The following FAM135A variants were observed in gnomAD, a reference collection of about 807,000 sequenced individuals.
FAM135A encodes protein FAM135A.
In FAM135A, 79 loss-of-function variants were observed where a neutral mutation model predicts 146.8. The observed-to-expected ratio is 0.54, with a 90% confidence interval of 0.45 to 0.65. FAM135A has a LOEUF of 0.65. Ranked by LOEUF, FAM135A falls within the 30% of genes least tolerant of loss-of-function variation. FAM135A has a pLI of 0.00. For synonymous variants in FAM135A, 562 were observed against 603.6 expected, an observed-to-expected ratio of 0.93 and a Z score of 1.01; for missense variants, 1,623 against 1,758.2, an observed-to-expected ratio of 0.92 and a Z score of 1.38.
chr6:70,547,483 G>T (rs540999574), intron 20 of FAM135A, among the ~76,000 whole-genome samples: 1 of 152,290 alleles, frequency 6.6e-6, no homozygotes, highest in Admixed American at 6.5e-5. Context: ...ATTGTAGCAT[G>T]TTTAGCAGTA....
At chr6:70,426,377 C>A (rs1366003017) in intron 2 of FAM135A, 62 bp from the exon 3 acceptor site, 1 of 152,022 alleles carries the variant, frequency 6.6e-6, no homozygotes. Flanking sequence ...ACATAGGTTT[C>A]CTTAAGACAG....
intron 12 of FAM135A, among the ~76,000 whole-genome samples, chr6:70,513,685 A>ATT (rs1791570400): frequency 6.6e-6 from 1 of 151,994 alleles, no homozygotes; most frequent in Non-Finnish European, 1.5e-5. Context: ...AGTATAATTG[A>ATT]TTTTTGCATA....
rs760098586 is a variant in FAM135A at position 70,502,705 on chromosome 6, A to T, written c.943A>T (p.Met315Leu). Residue 315 changes from methionine to leucine, a missense_variant, in exon 12 of 22, where the codon ATG becomes TTG. Transcript: ENST00000418814. ...MNLAQLCSLLMALWGQFLEVI... is the reference protein window; with the variant it reads ...MNLAQLCSLLLALWGQFLEVI... Reference sequence around the variant, plus strand: ...TCTTGCGCAACTTTGCTCACTTTTGATGGCTTTATGGGGACAGTTTCTGGA... The same window carrying T: ...TCTTGCGCAACTTTGCTCACTTTTGTTGGCTTTATGGGGACAGTTTCTGGA... 1.8e-5 allele frequency: 29 copies of T among 1,613,460 alleles called. No individual in the cohort carries two copies. The East Asian group carries it at 3.1e-4, about 17-fold the overall frequency.
intron 4 of FAM135A, among the ~76,000 whole-genome samples, chr6:70,429,344 C>T (rs754596962): frequency 6.8e-4 from 103 of 151,998 alleles, no homozygotes; most frequent in Non-Finnish European, 1.0e-3. Flanking sequence ...GAAACCCTAC[C>T]TCTACTAAAA....
At chr6:70,469,025 CTA>C (rs1781048372) in intron 5 of FAM135A, among the ~76,000 whole-genome samples, 1 of 152,204 alleles carries the variant, frequency 6.6e-6, no homozygotes, top group Admixed American at 6.5e-5. Flanking sequence ...TTTAAAATTA[CTA>C]TCTTTCTTAT....
In FAM135A at chr6:70,551,518, G is replaced by C. The variant is rs148872568; in HGVS notation, c.4229-5232G>C. 9.3e-4 allele frequency among the ~76,000 whole-genome samples: 141 copies of C among 152,280 alleles called. 1 individual carries two copies. The highest frequency in any genetic ancestry group is 3.3e-3 in the African/African-American group (136 of 41,568). ...TTCAGCTACTTGGGAGGTTGAAGTGGGAGGATCCCTTGAGCCCAGGAGGTA... is the reference window on the plus strand; with the variant it reads ...TTCAGCTACTTGGGAGGTTGAAGTGCGAGGATCCCTTGAGCCCAGGAGGTA... On this transcript the variant is annotated intron_variant, in intron 20 of 21. Coordinates refer to ENST00000418814, the MANE Select transcript of FAM135A (RefSeq NM_001162529.3).
At chr6:70,475,010 G>C (rs745790274) in intron 5 of FAM135A, among the ~76,000 whole-genome samples, 4 of 152,098 alleles carry the variant, frequency 2.6e-5, no homozygotes, top group Non-Finnish European at 5.9e-5. Context: ...GGAGACAAAG[G>C]CCAGCCAAAT....
chr6:70,444,682 A>C (rs2127980629), intron 4 of FAM135A, among the ~76,000 whole-genome samples: 1 of 152,334 alleles, frequency 6.6e-6, no homozygotes, highest in East Asian at 1.9e-4. Flanking sequence ...CATAAATATC[A>C]GATGAACTTT....
chr6:70,546,916 G>A (rs1161352091), intron 20 of FAM135A, among the ~76,000 whole-genome samples: 1 of 152,088 alleles, frequency 6.6e-6, no homozygotes, highest in African/African-American at 2.4e-5. Flanking sequence ...TAAAATAAAT[G>A]TATAATATAT....
chr6:70,493,170 CTCT>C (rs762212095), intron 11 of FAM135A, among the ~76,000 whole-genome samples: 6 of 151,640 alleles, frequency 4.0e-5, no homozygotes, highest in Non-Finnish European at 7.4e-5. Context: ...GTGCTGAAAA[CTCT>C]TCAAGATATA....
At chr6:70,547,706 C>A (rs992757070) in intron 20 of FAM135A, among the ~76,000 whole-genome samples, 5 of 152,014 alleles carry the variant, frequency 3.3e-5, no homozygotes, top group African/African-American at 1.2e-4. Flanking sequence ...AAATGAGTAG[C>A]CAGAAGAATT....
intron 4 of FAM135A, among the ~76,000 whole-genome samples, chr6:70,428,731 A>G (rs796802419): frequency 4.6e-5 from 7 of 152,226 alleles, no homozygotes; most frequent in African/African-American, 1.7e-4. Flanking sequence ...AAAATAAGAC[A>G]TGCATACAAA....
chr6:70,413,969 G>A, intron 1 of FAM135A: 3 of 985,680 alleles, frequency 3.0e-6, no homozygotes, highest in Non-Finnish European at 3.6e-6. Flanking sequence ...CCCTGCCCCT[G>A]CGCGCGTCCC....
intron 4 of FAM135A, among the ~76,000 whole-genome samples, chr6:70,430,879 C>G (rs1454449354): frequency 6.6e-6 from 1 of 152,174 alleles, no homozygotes; most frequent in African/African-American, 2.4e-5. Context: ...TTTAGTTCAT[C>G]TCTATCTTGC....
At chr6:70,534,431 C>G (rs1019916474) in intron 18 of FAM135A, among the ~76,000 whole-genome samples, 2 of 149,720 alleles carry the variant, frequency 1.3e-5, no homozygotes, top group Non-Finnish European at 3.0e-5. Context: ...GCGATCCTCC[C>G]ACCTCAGCCC....
chr6:70,550,314 G>A (rs1199457292), intron 20 of FAM135A, among the ~76,000 whole-genome samples: 2 of 152,154 alleles, frequency 1.3e-5, no homozygotes, highest in East Asian at 3.9e-4. Flanking sequence ...ATCCATCAAA[G>A]GAATCACTAC....
chr6:70,414,916 T>A (rs1173387382), intron 1 of FAM135A, among the ~76,000 whole-genome samples: 3 of 152,248 alleles, frequency 2.0e-5, no homozygotes, highest in African/African-American at 7.2e-5. Context: ...CCATTAGGTG[T>A]AGCTGTCCAA....
chr6:70,433,930 A>G (rs775650634), intron 4 of FAM135A, among the ~76,000 whole-genome samples: 3 of 152,160 alleles, frequency 2.0e-5, no homozygotes, highest in Non-Finnish European at 4.4e-5. Flanking sequence ...CTAACAATCT[A>G]AAGAAAAACT....
At chr6:70,557,129 A>G in intron 21 of FAM135A, 1 of 535,480 alleles carries the variant, frequency 1.9e-6, no homozygotes, top group Non-Finnish European at 3.3e-6. Flanking sequence ...TTTCCTCTGA[A>G]TTAATGGGAT....
Sources: gnomAD v4.1 joint callset for allele counts (sites outside exome capture counted in the v4.1 genomes callset) on GRCh38, gnomAD v4.1.1 for gene constraint, MANE v1.5 for transcripts, NCBI Gene and HGNC (gene_info 2026-07-23, HGNC 2026-07-21) for gene names.